Variants in ZNF143 observed in about 807,000 individuals in gnomAD.
ZNF143 encodes the protein SPH-binding factor.
ZNF143 carries 49 observed loss-of-function variants against 74.1 expected under a neutral mutation model. The ratio of observed to expected loss-of-function variants is 0.66; its 90% CI spans 0.53 to 0.84. ZNF143 has a LOEUF of 0.84. ZNF143 is among the 40% of genes least tolerant of loss of function. ZNF143 has a pLI of 0.00. For synonymous variants in ZNF143, 304 were observed against 282.8 expected (o/e 1.07, Z -0.75); for missense variants, 637 against 793.4 (o/e 0.80, Z 2.37).
intron 7 of ZNF143, among the ~76,000 whole-genome samples, chr11:9,487,882 T>C (rs938178721): frequency 3.3e-5 from 5 of 152,208 alleles, no homozygotes; most frequent in African/African-American, 1.2e-4. Flanking sequence ...TTTTGGTCTT[T>C]TAATTTAGCT....
chr11:9,473,743 G>A (rs759146783), intron 3 of ZNF143, 198 bp from the exon 4 acceptor site: 1 of 1,510,050 alleles, frequency 6.6e-7, no homozygotes, highest in South Asian at 1.2e-5. Flanking sequence ...AGGGGAGGAA[G>A]GATGGCTGAG....
rs552289297 is a variant in ZNF143, at chr11:9,508,548, TG to T, written c.1148-64del. On this transcript the variant is annotated intron_variant, in intron 11 of 15. Coordinates refer to ENST00000396602, the MANE Select transcript of ZNF143 (RefSeq NM_003442.6). ...TTATTTTTAGAGGTATTTTACCCCC[TG>T]GGGGGGAAGTATGGAATGATTTTGC... The T allele has an allele frequency of 5.1e-4, 722 of 1,420,612 alleles. 9 individuals carry two copies. The African/African-American group carries it at 8.6e-3, about 17-fold the overall frequency. 88.0% of individuals were successfully genotyped at this position (1,420,612 alleles called of 1,614,324 possible).
chr11:9,508,253 C>T lies in ZNF143; in HGVS notation c.1148-366C>T, dbSNP rs867684548. On this transcript the variant is annotated intron_variant, in intron 11 of 15. Transcript: ENST00000396602. ...AATTCTTAGGAAGCTGCATAAGTTACGATAATAGCATTTATTATTATTAAT... is the reference window on the plus strand; with the variant it reads ...AATTCTTAGGAAGCTGCATAAGTTATGATAATAGCATTTATTATTATTAAT... 8.5e-5 allele frequency among the ~76,000 whole-genome samples: 13 copies of T among 152,188 alleles called. No homozygotes were observed. In the South Asian group the frequency reaches 1.0e-3, roughly 12 times the overall value.
chr11:9,475,756 T>G (rs533438836), intron 5 of ZNF143, among the ~76,000 whole-genome samples: 3 of 151,856 alleles, frequency 2.0e-5, no homozygotes, highest in African/African-American at 4.8e-5. Context: ...AATTAGCCAG[T>G]TGTGGTAGTG....
chr11:9,501,192 T>TA lies in ZNF143; in HGVS notation c.1070dup (p.Tyr357Ter). The change falls in exon 11 of 16, where the codon TAT becomes TAAT. Residue 357 changes from tyrosine to a stop codon, truncating the protein, a stop_gained and frameshift_variant. Transcript: ENST00000396602. LOFTEE classifies it high-confidence loss of function. ...TAGGACACACACAGGAGAAAGACCT[T>TA]ATTACTGCACAGAGCCAGGATGTGG... ...HVRTHTGERP[Y>*]YCTEPGCGRA... The TA allele has an allele frequency of 6.2e-7, 1 of 1,614,188 alleles. No homozygotes were observed. The highest frequency in any genetic ancestry group is 8.5e-7 in the Non-Finnish European group (1 of 1,180,042).
intron 13 of ZNF143, among the ~76,000 whole-genome samples, chr11:9,513,209 A>T (rs975367707): frequency 6.6e-6 from 1 of 152,178 alleles, no homozygotes. Context: ...AATATGCACA[A>T]TGTGCTTCTT....
intron 7 of ZNF143, among the ~76,000 whole-genome samples, chr11:9,486,454 T>TTA (rs1554964479): frequency 9.7e-5 from 7 of 72,162 alleles, no homozygotes; most frequent in Admixed American, 4.6e-4. Flanking sequence ...ATTATATATA[T>TTA]TATATATATA....
chr11:9,523,380 C>T (rs1038582536), intron 14 of ZNF143, among the ~76,000 whole-genome samples: 1 of 152,182 alleles, frequency 6.6e-6, no homozygotes, highest in African/African-American at 2.4e-5. Context: ...CTTCTAGATG[C>T]TGCTTTGCCA....
intron 7 of ZNF143, among the ~76,000 whole-genome samples, chr11:9,486,100 C>T (rs1276646192): frequency 6.7e-6 from 1 of 150,148 alleles, no homozygotes; most frequent in Non-Finnish European, 1.5e-5. Context: ...CCCTCTGAGT[C>T]TCATTTTTTC....
At chr11:9,510,352 C>G (rs934208110) in intron 12 of ZNF143, among the ~76,000 whole-genome samples, 5 of 152,094 alleles carry the variant, frequency 3.3e-5, no homozygotes, top group Admixed American at 3.3e-4. Flanking sequence ...TCTCGATCTC[C>G]TGACCTCGTG....
chr11:9,476,381 A>T (rs80309905), intron 5 of ZNF143, among the ~76,000 whole-genome samples: 3,152 of 152,068 alleles, frequency 0.021, 49 homozygotes, highest in African/African-American at 0.029. Flanking sequence ...TTAATTAATT[A>T]ATTTATTATT....
In ZNF143 at chr11:9,467,545, T is replaced by A. The variant is rs557269694; in HGVS notation, c.-7-3757T>A. ...GCCACCATGCCCAACAAGAAAAATT[T>A]TAAAGGGTGAAAATCATGGCTGGCT... On this transcript the variant is annotated intron_variant, in intron 1 of 15. Transcript: ENST00000396602. Among the ~76,000 whole-genome samples, 92 of 152,108 alleles carry A rather than the reference T, an allele frequency of 6.0e-4. 1 individual carries two copies. Among genetic ancestry groups the A allele is most frequent in the Middle Eastern group, 6.8e-3 (2 of 294 alleles).
intron 7 of ZNF143, among the ~76,000 whole-genome samples, chr11:9,486,412 AATATATATT>A (rs1397596812): frequency 3.6e-4 from 7 of 19,324 alleles, no homozygotes; most frequent in Non-Finnish European, 5.1e-4. Flanking sequence ...TTATATATAT[AATATATATT>A]ATATATATTA....
intron 10 of ZNF143, among the ~76,000 whole-genome samples, chr11:9,498,321 G>A (rs909340501): frequency 1.3e-5 from 2 of 152,230 alleles, no homozygotes; most frequent in Non-Finnish European, 2.9e-5. Context: ...TCCCAGAAAA[G>A]ATTAACAGTG....
At chr11:9,477,482 C>T (rs1443729470) in intron 5 of ZNF143, among the ~76,000 whole-genome samples, 2 of 152,062 alleles carry the variant, frequency 1.3e-5, no homozygotes, top group South Asian at 2.1e-4. Context: ...GTCTCAATCT[C>T]TTGACCTTGT....
At chr11:9,466,622 G>T (rs552961647) in intron 1 of ZNF143, among the ~76,000 whole-genome samples, 1 of 151,226 alleles carries the variant, frequency 6.6e-6, no homozygotes, top group East Asian at 2.0e-4. Flanking sequence ...TTTATTTTCC[G>T]TAGAGACAGG....
intron 7 of ZNF143, among the ~76,000 whole-genome samples, chr11:9,490,418 G>A (rs1847729666): frequency 6.6e-6 from 1 of 150,910 alleles, no homozygotes; most frequent in Non-Finnish European, 1.5e-5. Context: ...TGACAGCCTG[G>A]GATGACAGGC....
chr11:9,470,049 C>T lies in ZNF143; in HGVS notation c.-7-1253C>T, dbSNP rs369868682. On this transcript the variant is annotated intron_variant, in intron 1 of 15. Transcript: ENST00000396602. ...TTGATGCTAAGTCAGATCTTTGGACCTGGAAAGGTCCTCAAGACATCTTCT... is the reference window on the plus strand; with the variant it reads ...TTGATGCTAAGTCAGATCTTTGGACTTGGAAAGGTCCTCAAGACATCTTCT... 5.3e-5 allele frequency among the ~76,000 whole-genome samples: 8 copies of T among 152,286 alleles called. No homozygotes were observed. In the East Asian group the frequency reaches 1.5e-3, roughly 29 times the overall value.
chr11:9,462,671 C>G (rs962756951), intron 1 of ZNF143, among the ~76,000 whole-genome samples: 24 of 151,922 alleles, frequency 1.6e-4, no homozygotes, highest in Admixed American at 9.8e-4. Context: ...GTCAGGAGTT[C>G]GAGACCAGTC....
Sources: gnomAD v4.1 joint callset for allele counts (sites outside exome capture counted in the v4.1 genomes callset) on GRCh38, gnomAD v4.1.1 for gene constraint, MANE v1.5 for transcripts, NCBI Gene and HGNC (gene_info 2026-07-23, HGNC 2026-07-21) for gene names.